RBL1: variants seen among roughly 807,000 people sequenced by gnomAD.
RBL1 encodes retinoblastoma-like protein 1.
A neutral mutation model predicts 123.0 loss-of-function variants in RBL1; 82 were observed. The ratio of observed to expected loss-of-function variants is 0.67; its 90% CI spans 0.56 to 0.80. The LOEUF (loss-of-function observed/expected upper bound fraction) is 0.80, where lower values mean the gene tolerates loss of function less well. RBL1 is among the 30% of genes least tolerant of loss of function. The pLI is 0.00. For synonymous variants in RBL1, 405 were observed against 441.3 expected, an observed-to-expected ratio of 0.92 and a Z score of 1.03; for missense variants, 1,171 against 1,299.6, an observed-to-expected ratio of 0.90 and a Z score of 1.52.
chr20:37,017,651 T>TGTGTGTGTGTGTGTGTGA (rs1234219930), intron 19 of RBL1, among the ~76,000 whole-genome samples: 16 of 151,174 alleles, frequency 1.1e-4, no homozygotes, highest in African/African-American at 1.5e-4. Flanking sequence ...TGTGTGTGTG[T>TGTGTGTGTGTGTGTGTGA]GACAGAGTCT....
intron 20 of RBL1, among the ~76,000 whole-genome samples, chr20:37,004,725 A>G (rs1325553546): frequency 6.7e-6 from 1 of 150,208 alleles, no homozygotes; most frequent in African/African-American, 2.5e-5. Context: ...AAAAAAAAAA[A>G]AAAAAAAAAA....
chr20:37,032,429 G>T (rs756590352), intron 16 of RBL1, among the ~76,000 whole-genome samples: 3 of 152,092 alleles, frequency 2.0e-5, no homozygotes, highest in Non-Finnish European at 4.4e-5. Context: ...GGGAGAAATG[G>T]ATACAGAATT....
In RBL1 at chr20:37,002,336, GTTTTT is replaced by G. The variant is rs965408801; in HGVS notation, c.3036+1361_3036+1365del. Among the ~76,000 whole-genome samples, 194 of 76,342 alleles carry G rather than the reference GTTTTT, an allele frequency of 2.5e-3. 2 individuals carry two copies. Among genetic ancestry groups the G allele is most frequent in the Non-Finnish European group, 3.1e-3 (122 of 39,704 alleles). 50.1% of individuals were successfully genotyped at this position (76,342 alleles called of 152,430 possible). On this transcript the variant is annotated intron_variant, in intron 21 of 21. Coordinates refer to ENST00000373664, the MANE Select transcript of RBL1 (RefSeq NM_002895.5). ...TGAGCCACCGTGCCTAGCCTTATCT[GTTTTT>G]TTTTTTTTTTTTTTTTTTTGAGACT...
chr20:37,032,613 C>A, intron 16 of RBL1, 52 bp downstream of exon 16: 1 of 1,596,396 alleles, frequency 6.3e-7, no homozygotes, highest in South Asian at 1.2e-5. Context: ...GTTACTCAAT[C>A]TTTCTTCCAT....
chr20:37,059,741 G>C (rs2065064429), intron 9 of RBL1, among the ~76,000 whole-genome samples: 2 of 151,940 alleles, frequency 1.3e-5, no homozygotes, highest in African/African-American at 4.8e-5. Flanking sequence ...GGTTGCCATT[G>C]ATAAATATTT....
chr20:37,046,435 G>A (rs930803879), intron 12 of RBL1, among the ~76,000 whole-genome samples: 2 of 151,428 alleles, frequency 1.3e-5, no homozygotes, highest in African/African-American at 2.4e-5. Flanking sequence ...GTCTTGCTTA[G>A]GTGCCCAGGC....
intron 12 of RBL1, 97 bp from the exon 13 acceptor site, chr20:37,044,347 C>T: frequency 5.9e-5 from 69 of 1,160,378 alleles, no homozygotes; most frequent in Middle Eastern, 3.0e-4. Context: ...TCTTCTTCTT[C>T]TTTTTTTTGA....
intron 9 of RBL1, among the ~76,000 whole-genome samples, chr20:37,058,198 A>T (rs1217498158): frequency 6.6e-6 from 1 of 150,980 alleles, no homozygotes. Context: ...GTCTAGTTAT[A>T]TGAGGATCTC....
intron 1 of RBL1, among the ~76,000 whole-genome samples, chr20:37,089,408 C>T (rs1600615823): frequency 1.4e-5 from 2 of 147,762 alleles, no homozygotes; most frequent in African/African-American, 2.5e-5. Flanking sequence ...CCCAGTAACT[C>T]GGGAGGCTGA....
intron 19 of RBL1, among the ~76,000 whole-genome samples, chr20:37,015,631 C>T (rs574295641): frequency 2.0e-4 from 31 of 152,080 alleles, no homozygotes; most frequent in Non-Finnish European, 3.8e-4. Flanking sequence ...GAGGTTTCAC[C>T]GTGTTAGCCA....
intron 21 of RBL1, among the ~76,000 whole-genome samples, chr20:37,002,464 C>T (rs1323719431): frequency 1.3e-5 from 2 of 150,042 alleles, no homozygotes; most frequent in Non-Finnish European, 3.0e-5. Context: ...CTGCCTCAGC[C>T]TCCCAAGTAG....
intron 13 of RBL1, among the ~76,000 whole-genome samples, chr20:37,042,013 C>T (rs2064735711): frequency 7.0e-6 from 1 of 142,282 alleles, no homozygotes; most frequent in Non-Finnish European, 1.5e-5. Flanking sequence ...GTGGAGCTTG[C>T]AGTGAGCCGA....
At chr20:37,023,649 T>C (rs773620386) in intron 16 of RBL1, among the ~76,000 whole-genome samples, 1 of 152,212 alleles carries the variant, frequency 6.6e-6, no homozygotes, top group Non-Finnish European at 1.5e-5. Context: ...AGTTGTTGTT[T>C]TTTTTAAAGC....
intron 21 of RBL1, among the ~76,000 whole-genome samples, chr20:37,000,086 G>A (rs1267785363): frequency 1.3e-5 from 2 of 150,852 alleles, no homozygotes; most frequent in African/African-American, 4.9e-5. Flanking sequence ...GCAATGTGGG[G>A]AGCGCCTCTG....
chr20:37,067,222 T>C lies in RBL1; in HGVS notation c.556+11A>G. 6.3e-7 allele frequency: 1 copy of C among 1,593,452 alleles called. No homozygotes were observed. Among genetic ancestry groups the C allele is most frequent in the Non-Finnish European group, 8.5e-7 (1 of 1,172,744 alleles). On this transcript the variant is annotated intron_variant, in intron 4 of 21. Coordinates refer to ENST00000373664, the MANE Select transcript of RBL1 (RefSeq NM_002895.5). ...AGTAGAAATGTAAGACCACTGAAAG[T>C]GTCATCTTACCCTTAGTATAAACAA...
intron 20 of RBL1, among the ~76,000 whole-genome samples, chr20:37,007,117 C>CA: frequency 6.6e-6 from 1 of 152,096 alleles, no homozygotes; most frequent in East Asian, 1.9e-4. Flanking sequence ...GGCGTGGGGG[C>CA]ATGTGGCTGT....
In RBL1 at chr20:37,062,149, T is replaced by A; in HGVS notation, c.1018A>T (p.Thr340Ser). Residue 340 changes from threonine to serine, a missense_variant, in exon 8 of 22, where the codon ACC becomes TCC. By Grantham distance (58) the Thr-to-Ser change is moderately conservative (BLOSUM62 1). Transcript: ENST00000373664. Reference protein sequence around the residue: ...IGTPRKFTRDTPLGKLTAQAN... With the variant: ...IGTPRKFTRDSPLGKLTAQAN... Reference sequence around the variant, plus strand: ...TGTGCTGTCAGTTTCCCTAATGGGGTGTCACGAGTGAACTTTCGAGGTGTT... The same window carrying A: ...TGTGCTGTCAGTTTCCCTAATGGGGAGTCACGAGTGAACTTTCGAGGTGTT... 6.2e-7 allele frequency: 1 copy of A among 1,614,198 alleles called. No homozygotes were observed. Among genetic ancestry groups the A allele is most frequent in the Non-Finnish European group, 8.5e-7 (1 of 1,180,028 alleles).
intron 20 of RBL1, 79 bp from the exon 21 acceptor site, chr20:37,003,945 A>G: frequency 7.6e-7 from 1 of 1,313,564 alleles, no homozygotes; most frequent in Non-Finnish European, 1.0e-6. Context: ...TTCTTATGGT[A>G]TCTTCTAGTT....
chr20:37,056,173 T>C lies in RBL1; in HGVS notation c.1336A>G (p.Thr446Ala). The C allele has an allele frequency of 1.2e-6, 2 of 1,609,746 alleles. No individual in the cohort carries two copies. The highest frequency in any genetic ancestry group is 1.1e-5 in the South Asian group (1 of 90,324). The change falls in exon 10 of 22, where the codon ACA becomes GCA. Residue 446 changes from threonine to alanine, a missense_variant. Physicochemically the swap from Thr to Ala is moderately conservative, Grantham distance 58. Transcript: ENST00000373664. The stretch of plus-strand genomic sequence containing the variant: ...ATGTGAGATCCTGGCTGTTCATCTG[T>C]TGATTGAGTATAGTGTTGACAGAAA... ...ETFCQHYTQS[T>A]DEQPGSHIDF...
Sources: allele counts gnomAD v4.1 joint callset (sites outside exome capture counted in the v4.1 genomes callset), GRCh38; gene constraint gnomAD v4.1.1; transcripts MANE v1.5; gene names NCBI Gene and HGNC (gene_info 2026-07-23, HGNC 2026-07-21).